FBXW12: variants seen among roughly 807,000 people sequenced by gnomAD.
FBXW12 encodes F-box/WD repeat-containing protein 12.
Under a neutral mutation model 55.3 loss-of-function variants are expected in FBXW12, and 43 were observed. The ratio of observed to expected loss-of-function variants is 0.78; its 90% CI spans 0.61 to 1.00. The LOEUF (loss-of-function observed/expected upper bound fraction) is 1.00. FBXW12 is among the 50% of genes least tolerant of loss of function. The probability of loss-of-function intolerance (pLI) is 0.00; values close to 1 mark genes in which losing one functional copy is unlikely to be tolerated. For missense variants in FBXW12, 524 were observed against 560.5 expected (o/e 0.93, Z 0.66); for synonymous variants, 184 against 203.8 (o/e 0.90, Z 0.83).
At chr3:48,377,754 G>A (rs2036705458) in intron 5 of FBXW12, among the ~76,000 whole-genome samples, 1 of 152,122 alleles carries the variant, frequency 6.6e-6, no homozygotes, top group Non-Finnish European at 1.5e-5. Flanking sequence ...ACTTCAGGAG[G>A]GCTTAGAAGT....
intron 7 of FBXW12, 97 bp from the exon 8 acceptor site, chr3:48,380,605 A>C (rs1343390793): frequency 5.7e-6 from 5 of 876,422 alleles, no homozygotes; most frequent in Non-Finnish European, 9.5e-6. Context: ...CTTTGGCCAC[A>C]AGATGAGAAT....
intron 10 of FBXW12, among the ~76,000 whole-genome samples, chr3:48,386,699 G>A (rs532789180): frequency 3.3e-5 from 5 of 151,762 alleles, no homozygotes; most frequent in African/African-American, 4.8e-5. Flanking sequence ...ATCTTTTACC[G>A]CCTTGGTTCA....
chr3:48,377,704 A>G (rs2036704729), intron 5 of FBXW12, among the ~76,000 whole-genome samples: 1 of 152,200 alleles, frequency 6.6e-6, no homozygotes, highest in South Asian at 2.1e-4. Flanking sequence ...GGGTGCGGAG[A>G]GCCATGGGGG....
intron 10 of FBXW12, among the ~76,000 whole-genome samples, chr3:48,392,064 G>A (rs1192767605): frequency 6.6e-6 from 1 of 151,844 alleles, no homozygotes; most frequent in Non-Finnish European, 1.5e-5. Context: ...TTTATTTCTG[G>A]GCCTTCTATC....
In FBXW12 at chr3:48,375,363, C is replaced by T. The variant is rs148596796; in HGVS notation, c.296C>T (p.Thr99Met). The change falls in exon 5 of 11, where the codon ACG becomes ATG. Residue 99 changes from threonine to methionine, a missense_variant. Thr to Met is a moderately conservative substitution (Grantham distance 81). Coordinates refer to ENST00000296438, the MANE Select transcript of FBXW12 (RefSeq NM_207102.2). ...CTATGTTTCCTTCTAGCATTTGAGACGGAGTTGGCTTATCTCTCAGGAAAT... is the reference window on the plus strand; with the variant it reads ...CTATGTTTCCTTCTAGCATTTGAGATGGAGTTGGCTTATCTCTCAGGAAAT... ...YKVTKNIAFE[T>M]ELAYLSGNRL... 39 of 1,600,782 alleles carry T rather than the reference C, an allele frequency of 2.4e-5. No individual in the cohort carries two copies. The highest frequency in any genetic ancestry group is 7.7e-5 in the South Asian group (7 of 90,392).
At position 48,379,566 on chromosome 3, in the gene FBXW12, C is replaced by T; in HGVS notation, c.774+8C>T. The T allele has an allele frequency of 6.2e-7, 1 of 1,612,628 alleles. No individual in the cohort carries two copies. The highest frequency in any genetic ancestry group is 1.3e-5 in the African/African-American group (1 of 75,030). ...AGTCGTACCTTGCCACAGGTAGGTG[C>T]TGTTCTGTGTATTTCAATTTCAGGA... On this transcript the variant is annotated splice_region_variant and intron_variant, in intron 7 of 10. Coordinates refer to ENST00000296438, the MANE Select transcript of FBXW12 (RefSeq NM_207102.2).
chr3:48,378,416 A>G lies in FBXW12; in HGVS notation c.505A>G (p.Thr169Ala). 1 of 1,613,974 alleles carries G rather than the reference A, an allele frequency of 6.2e-7. No individual in the cohort carries two copies. The highest frequency in any genetic ancestry group is 1.7e-5 in the Admixed American group (1 of 59,998). The change falls in exon 6 of 11, where the codon ACT (threonine) becomes GCT (alanine). Residue 169 changes from threonine (T) to alanine (A), a missense_variant. Physicochemically the swap from Thr to Ala is moderately conservative, Grantham distance 58. Transcript: ENST00000296438. Reference sequence around the variant, plus strand: ...CGCCATCACTATGGATCGGAAAAAAACTATCAAAGTGTGGAACTGTCAGGA... The same window carrying G: ...CGCCATCACTATGGATCGGAAAAAAGCTATCAAAGTGTGGAACTGTCAGGA... ...HLAITMDRKKTIKVWNCQDRD... is the reference protein window; with the variant it reads ...HLAITMDRKKAIKVWNCQDRD...
intron 10 of FBXW12, 33 bp downstream of exon 10, chr3:48,382,118 A>G: frequency 6.2e-7 from 1 of 1,611,318 alleles, no homozygotes; most frequent in Non-Finnish European, 8.5e-7. Flanking sequence ...AACATCCCCT[A>G]AACAACTTTT....
intron 4 of FBXW12, among the ~76,000 whole-genome samples, chr3:48,374,764 CTT>C (rs66751439): frequency 1.2e-5 from 1 of 82,670 alleles, no homozygotes; most frequent in African/African-American, 4.9e-5. Context: ...CCTGATAACA[CTT>C]TTTTTTTTTT....
At chr3:48,380,991 C>A in intron 8 of FBXW12, 79 bp downstream of exon 8, 4 of 1,166,568 alleles carry the variant, frequency 3.4e-6, no homozygotes, top group Non-Finnish European at 5.0e-6. Context: ...ATAAATGGGT[C>A]AGCCTGTATA....
chr3:48,383,271 AT>A (rs1220960477), intron 10 of FBXW12, among the ~76,000 whole-genome samples: 3 of 151,918 alleles, frequency 2.0e-5, no homozygotes, highest in South Asian at 2.1e-4. Context: ...CTTCCCCTGG[AT>A]TTTTTTTCTT....
chr3:48,378,617 T>A, intron 6 of FBXW12, 91 bp downstream of exon 6: 5 of 860,662 alleles, frequency 5.8e-6, no homozygotes, highest in Non-Finnish European at 5.0e-6. Flanking sequence ...CTATCCCTTT[T>A]TTTTTTTTTT....
chr3:48,393,559 G>A (rs551557402), intron 10 of FBXW12, among the ~76,000 whole-genome samples: 9 of 152,260 alleles, frequency 5.9e-5, no homozygotes, highest in East Asian at 1.9e-4. Context: ...GGAGGGAAGC[G>A]TGGCATCTCT....
intron 10 of FBXW12, among the ~76,000 whole-genome samples, chr3:48,392,188 C>T (rs1040739473): frequency 5.9e-5 from 9 of 152,168 alleles, no homozygotes; most frequent in African/African-American, 2.2e-4. Flanking sequence ...CATGGTGGCT[C>T]ATGCCTATAA....
At chr3:48,389,595 T>C (rs1490718089) in intron 10 of FBXW12, among the ~76,000 whole-genome samples, 1 of 152,120 alleles carries the variant, frequency 6.6e-6, no homozygotes, top group East Asian at 1.9e-4. Flanking sequence ...AGGCTGGTCT[T>C]GAGCTCCTGA....
At chr3:48,378,563 C>T in intron 6 of FBXW12, 37 bp downstream of exon 6, 1 of 1,431,138 alleles carries the variant, frequency 7.0e-7, no homozygotes, top group East Asian at 2.4e-5. Flanking sequence ...ACCAAAAAAT[C>T]AAATGCCTGT....
chr3:48,375,812 C>G lies in FBXW12; in HGVS notation c.405+340C>G, dbSNP rs573274433. 7.3e-5 allele frequency among the ~76,000 whole-genome samples: 11 copies of G among 151,386 alleles called. No homozygotes were observed. The South Asian group carries it at 2.3e-3, about 32-fold the overall frequency. On this transcript the variant is annotated intron_variant, in intron 5 of 10. Coordinates refer to ENST00000296438, the MANE Select transcript of FBXW12 (RefSeq NM_207102.2). ...GCTTCAGCTTCCCAAGTAGCTGGGA[C>G]TACAGGCGCCCGCCACCACGCCTGG... is the stretch of plus-strand genomic sequence containing the variant.
Position 48,380,878 on chromosome 3 carries a change from A to C in FBXW12, c.951A>C (p.Thr317=), listed in dbSNP as rs2107161644. 6.2e-7 allele frequency: 1 copy of C among 1,614,092 alleles called. No homozygotes were observed. The highest frequency in any genetic ancestry group is 2.2e-5 in the East Asian group (1 of 44,878). The change falls in exon 8 of 11, where the codon ACA becomes ACC. Residue 317 remains threonine, a synonymous_variant. Coordinates refer to ENST00000296438, the MANE Select transcript of FBXW12 (RefSeq NM_207102.2). ...KKTEFITFDL[T]TKKTGGQTVI... Reference sequence around the variant, plus strand: ...CAGAATTTATCACCTTTGATCTAACAACCAAGAAGACTGGAGGCCAAACAG... The same window carrying C: ...CAGAATTTATCACCTTTGATCTAACCACCAAGAAGACTGGAGGCCAAACAG...
At chr3:48,383,892 C>G (rs1339967423) in intron 10 of FBXW12, among the ~76,000 whole-genome samples, 3 of 152,140 alleles carry the variant, frequency 2.0e-5, no homozygotes, top group Non-Finnish European at 2.9e-5. Flanking sequence ...AGTTTTGAGA[C>G]TTTCTCTTTT....
Sources: allele counts gnomAD v4.1 joint callset (sites outside exome capture counted in the v4.1 genomes callset), GRCh38; gene constraint gnomAD v4.1.1; transcripts MANE v1.5; gene names NCBI Gene and HGNC (gene_info 2026-07-23, HGNC 2026-07-21).